RNASEH2B: variants seen among roughly 807,000 people sequenced by gnomAD.
The protein encoded by RNASEH2B is ribonuclease H2 subunit B, also known as Aicardi-Goutieres syndrome 2 protein.
Under a neutral mutation model 45.0 loss-of-function variants are expected in RNASEH2B, and 36 were observed. That is an observed-to-expected ratio of 0.80 (90% CI 0.61 to 1.06). The LOEUF is 1.06. Among genes scored for constraint, RNASEH2B ranks in the 50% least tolerant of loss-of-function variants. The pLI is 0.00. For missense variants in RNASEH2B, 361 were observed against 360.3 expected (o/e 1.00, Z -0.02); for synonymous variants, 119 against 125.7 (o/e 0.95, Z 0.35).
At chr13:50,958,047 T>G (rs1029894983), downstream of RNASEH2B, among the ~76,000 whole-genome samples, 20 of 152,318 alleles carry the variant, frequency 1.3e-4, no homozygotes, top group East Asian at 3.7e-3. Flanking sequence ...GTTGTCTGTT[T>G]ACTCTGTTGA....
At position 50,969,755 on chromosome 13, in the gene RNASEH2B, G is replaced by A. The variant is rs112783416; in HGVS notation, c.742-177G>A. ...GAATGAGATCTCGGAGGCTGGCCAC[G>A]ATGGGAACCCCTTCCTGTGTCTGAG... is the stretch of plus-strand genomic sequence containing the variant. On this transcript the variant is annotated intron_variant, in intron 9 of 9. Transcript: ENST00000422660. Among the ~76,000 whole-genome samples, 1,558 of 152,122 alleles carry A rather than the reference G, an allele frequency of 0.01. 24 individuals are homozygous for A. Among genetic ancestry groups the A allele is most frequent in the African/African-American group, 0.036 (1,490 of 41,508 alleles).
Position 50,910,198 on chromosome 13 carries a change from AC to A in RNASEH2B, c.64+62del, listed in dbSNP as rs535818770. The A allele has an allele frequency of 1.8e-4, 206 of 1,166,294 alleles. 3 individuals are homozygous for A. In the South Asian group the frequency reaches 4.0e-3, roughly 23 times the overall value. 72.2% of individuals were successfully genotyped at this position (1,166,294 alleles called of 1,614,324 possible). On this transcript the variant is annotated intron_variant, in intron 1 of 10. Coordinates refer to ENST00000336617, the MANE Select transcript of RNASEH2B (RefSeq NM_024570.4). ...CCAAGAACTGGCGGAGCGGCCCGCG[AC>A]CCCGGGCGCGCCGCCCCCCACCCCG... is the stretch of plus-strand genomic sequence containing the variant.
chr13:50,918,820 T>C (rs1951481513), intron 1 of RNASEH2B, among the ~76,000 whole-genome samples: 1 of 152,204 alleles, frequency 6.6e-6, no homozygotes, highest in Non-Finnish European at 1.5e-5. Context: ...GAATATATTC[T>C]GATGGCTGAA....
intron 5 of RNASEH2B, chr13:50,937,669 A>G (rs1951773182): frequency 6.6e-6 from 1 of 152,244 alleles, no homozygotes; most frequent in Non-Finnish European, 1.5e-5. Flanking sequence ...TAATTGGTTG[A>G]GCATTTACCA....
chr13:50,924,617 G>A (rs1420538629), intron 1 of RNASEH2B, among the ~76,000 whole-genome samples: 1 of 152,156 alleles, frequency 6.6e-6, no homozygotes, highest in Admixed American at 6.5e-5. Flanking sequence ...GGAGTACAGT[G>A]GTGCAGTCAC....
chr13:50,910,840 T>C (rs1879340659), intron 1 of RNASEH2B: 1 of 152,218 alleles, frequency 6.6e-6, no homozygotes, highest in African/African-American at 2.4e-5. Context: ...CCAGAAAGGT[T>C]TGGTCTTTTT....
chr13:50,924,479 T>C (rs538391895), intron 1 of RNASEH2B, among the ~76,000 whole-genome samples: 1 of 152,302 alleles, frequency 6.6e-6, no homozygotes, highest in Middle Eastern at 3.4e-3. Context: ...AATTATAACA[T>C]ACATGCACCC....
chr13:50,943,422 T>C, intron 6 of RNASEH2B, 28 bp downstream of exon 6: 1 of 1,497,738 alleles, frequency 6.7e-7, no homozygotes, highest in Non-Finnish European at 9.3e-7. Context: ...TGCCTTGTGG[T>C]AAAAGTAAAA....
intron 7 of RNASEH2B, among the ~76,000 whole-genome samples, chr13:50,947,712 A>G (rs1224158326): frequency 5.9e-5 from 9 of 152,020 alleles, no homozygotes; most frequent in African/African-American, 9.7e-5. Flanking sequence ...TTTTGTTTTT[A>G]ATGTCATTTA....
Position 50,910,104 on chromosome 13 carries a change from G to C in RNASEH2B, c.28G>C (p.Gly10Arg), listed in dbSNP as rs1314779913. ...GGCCGCTGGCGTGGACTGCGGGGAC[G>C]GGGTTGGCGCCCGGCAGCACGTGTT... MAAGVDCGD[G>R]VGARQHVFLV... The change falls in exon 1 of 11, where the codon GGG becomes CGG. Residue 10 changes from glycine (G) to arginine (R), a missense_variant. Transcript: ENST00000336617. 2 of 1,461,690 alleles carry C rather than the reference G, an allele frequency of 1.4e-6. No individual in the cohort carries two copies. Among genetic ancestry groups the C allele is most frequent in the South Asian group, 1.3e-5 (1 of 74,076 alleles). 90.5% of individuals were successfully genotyped at this position (1,461,690 alleles called of 1,614,324 possible). A position where few individuals can be genotyped will look rare whatever the true frequency, so the allele number is the denominator to read the frequency against.
chr13:50,918,993 G>A (rs1465877939), intron 1 of RNASEH2B, among the ~76,000 whole-genome samples: 2 of 152,134 alleles, frequency 1.3e-5, no homozygotes, highest in East Asian at 3.8e-4. Context: ...TTTGATGTCT[G>A]TACTTTCTCC....
chr13:50,947,504 C>A (rs1481956153), intron 7 of RNASEH2B, among the ~76,000 whole-genome samples: 1 of 150,546 alleles, frequency 6.6e-6, no homozygotes, highest in Non-Finnish European at 1.5e-5. Context: ...AAGCAAATAC[C>A]TAGTAGTAGA....
intron 10 of RNASEH2B, 22 bp downstream of exon 10, chr13:50,954,007 G>A (rs755266257): frequency 1.4e-6 from 2 of 1,471,406 alleles, no homozygotes; most frequent in Admixed American, 1.7e-5. Context: ...CAGGTGTAGT[G>A]GTGTTTCGTT....
At chr13:50,956,833 T>C, downstream of RNASEH2B, 1 of 624,822 alleles carries the variant, frequency 1.6e-6, no homozygotes, top group Non-Finnish European at 2.0e-6. Context: ...TTCAATATAC[T>C]GAGAGAAACT....
At chr13:50,922,183 C>T (rs1284828483) in intron 1 of RNASEH2B, among the ~76,000 whole-genome samples, 1 of 152,186 alleles carries the variant, frequency 6.6e-6, no homozygotes, top group East Asian at 1.9e-4. Flanking sequence ...AATTGTTTAA[C>T]GTCGTAGCTT....
chr13:50,968,208 G>T (rs757143465), intron 9 of RNASEH2B, among the ~76,000 whole-genome samples: 16 of 151,752 alleles, frequency 1.1e-4, no homozygotes, highest in Non-Finnish European at 1.8e-4. Flanking sequence ...GTCCAGCCTG[G>T]ACAACATAGC....
chr13:50,955,124 G>C (rs964186038), intron 10 of RNASEH2B: 2 of 152,098 alleles, frequency 1.3e-5, no homozygotes, highest in Non-Finnish European at 2.9e-5. Context: ...ATTTTTCTGA[G>C]TGTTAAGTAC....
intron 4 of RNASEH2B, 21 bp downstream of exon 4, chr13:50,930,780 A>T (rs1479053771): frequency 6.4e-7 from 1 of 1,561,556 alleles, no homozygotes; most frequent in Non-Finnish European, 8.8e-7. Flanking sequence ...AGCTCGGAGC[A>T]TCCACAGTGA....
At chr13:50,949,584 A>C in intron 9 of RNASEH2B, 79 bp downstream of exon 9, 1 of 1,314,830 alleles carries the variant, frequency 7.6e-7, no homozygotes, top group South Asian at 1.2e-5. Context: ...AGTTGGTTCT[A>C]ATATATTTTA....
Sources: gnomAD v4.1 joint callset for allele counts (sites outside exome capture counted in the v4.1 genomes callset) on GRCh38, gnomAD v4.1.1 for gene constraint, MANE v1.5 for transcripts, NCBI Gene and HGNC (gene_info 2026-07-23, HGNC 2026-07-21) for gene names.